The following CHCHD6 variants were observed in gnomAD, a reference collection of about 807,000 sequenced individuals.
CHCHD6 encodes MICOS complex subunit MIC25.
A neutral mutation model predicts 32.3 loss-of-function variants in CHCHD6; 28 were observed. The observed-to-expected ratio is 0.87, with a 90% CI of 0.64 to 1.19. The LOEUF is 1.19. CHCHD6 is among the 50% of genes most tolerant of loss of function. The pLI, the probability that CHCHD6 is intolerant of heterozygous loss-of-function variation, is 0.00. For synonymous variants in CHCHD6, 122 were observed against 117.5 expected, an observed-to-expected ratio of 1.04 and a Z score of -0.25; for missense variants, 333 against 307.0, an observed-to-expected ratio of 1.08 and a Z score of -0.63.
chr3:126,871,492 G>A lies in CHCHD6; in HGVS notation c.495+18762G>A, dbSNP rs372303926. On this transcript the variant is annotated intron_variant, in intron 5 of 7. Transcript: ENST00000290913. ...AGGGGTTTCACTCCTAGAAGCACAT[G>A]ATAGAAATCACCTCTGTTCATCAGA... 5.3e-5 allele frequency among the ~76,000 whole-genome samples: 8 copies of A among 152,092 alleles called. No homozygotes were observed. The South Asian group carries it at 1.7e-3, about 32-fold the overall frequency.
At chr3:126,731,557 C>G (rs1048422617) in intron 3 of CHCHD6, among the ~76,000 whole-genome samples, 5 of 152,164 alleles carry the variant, frequency 3.3e-5, no homozygotes, top group African/African-American at 1.2e-4. Flanking sequence ...CTACAGAGTT[C>G]TCAGTGGATG....
chr3:126,870,423 GT>G (rs2077449699), intron 5 of CHCHD6, among the ~76,000 whole-genome samples: 1 of 151,930 alleles, frequency 6.6e-6, no homozygotes, highest in South Asian at 2.1e-4. Flanking sequence ...GCTGACTTGG[GT>G]TTTTTCCCCT....
chr3:126,803,062 A>G (rs370454890), intron 4 of CHCHD6, among the ~76,000 whole-genome samples: 1 of 152,222 alleles, frequency 6.6e-6, no homozygotes, highest in Non-Finnish European at 1.5e-5. Flanking sequence ...TCCTGACACA[A>G]GCACTAAACG....
At chr3:126,775,024 T>A (rs1251494892) in intron 4 of CHCHD6, among the ~76,000 whole-genome samples, 2 of 152,252 alleles carry the variant, frequency 1.3e-5, no homozygotes, top group African/African-American at 4.8e-5. Context: ...TGCCGTCTTG[T>A]ATCTGCTTTT....
chr3:126,738,796 A>T (rs1007708081), intron 4 of CHCHD6, among the ~76,000 whole-genome samples: 1 of 150,142 alleles, frequency 6.7e-6, no homozygotes. Context: ...AAGCAATAAA[A>T]CAAAACAAAA....
intron 1 of CHCHD6, among the ~76,000 whole-genome samples, chr3:126,708,070 T>G (rs1934581834): frequency 6.6e-6 from 1 of 152,220 alleles, no homozygotes; most frequent in African/African-American, 2.4e-5. Context: ...CAAAAGCTAC[T>G]GGGGCTGCCT....
intron 5 of CHCHD6, among the ~76,000 whole-genome samples, chr3:126,871,417 A>G (rs2077468354): frequency 6.6e-6 from 1 of 151,946 alleles, no homozygotes; most frequent in Non-Finnish European, 1.5e-5. Flanking sequence ...GGGTGCTTCT[A>G]CGAAAACTTC....
chr3:126,919,671 T>G (rs1472291380), intron 6 of CHCHD6, among the ~76,000 whole-genome samples: 2 of 151,816 alleles, frequency 1.3e-5, no homozygotes, highest in Non-Finnish European at 2.9e-5. Flanking sequence ...AGTTTTATTT[T>G]TAATTGTATG....
intron 5 of CHCHD6, among the ~76,000 whole-genome samples, chr3:126,883,190 A>G (rs938683397): frequency 2.0e-5 from 3 of 152,072 alleles, no homozygotes; most frequent in Non-Finnish European, 4.4e-5. Context: ...ATACCTCCCT[A>G]CAGGCCTCTT....
chr3:126,925,559 T>G (rs1286006733), intron 6 of CHCHD6, among the ~76,000 whole-genome samples: 2 of 152,206 alleles, frequency 1.3e-5, no homozygotes, highest in Non-Finnish European at 2.9e-5. Flanking sequence ...CAGCCAGCCC[T>G]CTTCCTCATC....
chr3:126,763,693 G>T (rs1010313466), intron 4 of CHCHD6, among the ~76,000 whole-genome samples: 1 of 152,098 alleles, frequency 6.6e-6, no homozygotes, highest in Non-Finnish European at 1.5e-5. Context: ...TTACAATGGG[G>T]ATTACAGTTA....
At chr3:126,804,258 A>G (rs1450438154) in intron 4 of CHCHD6, among the ~76,000 whole-genome samples, 2 of 152,218 alleles carry the variant, frequency 1.3e-5, no homozygotes, top group East Asian at 3.8e-4. Flanking sequence ...CCTTCGAAAA[A>G]TTAATGAATC....
chr3:126,847,848 G>A (rs369791039), intron 4 of CHCHD6, among the ~76,000 whole-genome samples: 2 of 150,880 alleles, frequency 1.3e-5, no homozygotes, highest in African/African-American at 2.4e-5. Context: ...TCTGGCTTCC[G>A]TCCTCCTTCC....
Position 126,957,511 on chromosome 3 carries a change from T to C in CHCHD6, c.662T>C (p.Leu221Pro), listed in dbSNP as rs751824185. 7.5e-6 allele frequency: 12 copies of C among 1,591,440 alleles called. No individual in the cohort carries two copies. The highest frequency in any genetic ancestry group is 8.6e-7 in the Non-Finnish European group (1 of 1,169,314). ...RPHEVLLCSD[L>P]VKAYQRCVSA... ...CATGAGGTGCTGCTGTGCTCGGACC[T>C]GGTCAAGGCATACCAGCGCTGCGTG... The change falls in exon 7 of 8, where the codon CTG (leucine) becomes CCG (proline). Residue 221 changes from leucine (L) to proline (P), a missense_variant. Leu to Pro is a moderately conservative substitution (Grantham distance 98). Transcript: ENST00000290913.
chr3:126,725,375 T>A (rs1377243864), intron 1 of CHCHD6, among the ~76,000 whole-genome samples: 2 of 152,156 alleles, frequency 1.3e-5, no homozygotes, highest in African/African-American at 4.8e-5. Context: ...GAGCAGTAGG[T>A]CTCAACAGTG....
At chr3:126,778,425 C>T (rs1260196457) in intron 4 of CHCHD6, among the ~76,000 whole-genome samples, 1 of 152,240 alleles carries the variant, frequency 6.6e-6, no homozygotes, top group Non-Finnish European at 1.5e-5. Flanking sequence ...TCCACATCTT[C>T]ACCAACGCTT....
chr3:126,913,672 G>A (rs2078128516), intron 5 of CHCHD6, among the ~76,000 whole-genome samples: 1 of 152,210 alleles, frequency 6.6e-6, no homozygotes, highest in South Asian at 2.1e-4. Context: ...TCATGAGTCA[G>A]CCCAAGGCTG....
chr3:126,713,878 C>T (rs1217360292), intron 1 of CHCHD6, among the ~76,000 whole-genome samples: 1 of 150,360 alleles, frequency 6.7e-6, no homozygotes, highest in East Asian at 2.0e-4. Flanking sequence ...TAGATCGAGA[C>T]CATCCTGTCT....
chr3:126,705,113 G>A (rs1057275230), intron 1 of CHCHD6, among the ~76,000 whole-genome samples: 4 of 152,152 alleles, frequency 2.6e-5, no homozygotes, highest in African/African-American at 9.7e-5. Flanking sequence ...CTCTCCTTCA[G>A]CTCTCCTTAA....
Sources: gnomAD v4.1 joint callset for allele counts (sites outside exome capture counted in the v4.1 genomes callset) on GRCh38, gnomAD v4.1.1 for gene constraint, MANE v1.5 for transcripts, NCBI Gene and HGNC (gene_info 2026-07-23, HGNC 2026-07-21) for gene names.